Variants in TSHZ2 observed in about 807,000 individuals in gnomAD.
TSHZ2 encodes the protein teashirt homolog 2.
TSHZ2 carries 21 observed loss-of-function variants against 74.4 expected under a neutral mutation model. The observed-to-expected ratio is 0.28, with a 90% confidence interval of 0.20 to 0.41. TSHZ2 has a LOEUF of 0.41. TSHZ2 is among the 10% of genes least tolerant of loss of function. The pLI, the probability that TSHZ2 is intolerant of heterozygous loss-of-function variation, is 1.00. For synonymous variants in TSHZ2, 540 were observed against 515.3 expected (o/e 1.05, Z -0.65); for missense variants, 1,244 against 1,293.5 (o/e 0.96, Z 0.59).
chr20:53,144,011 G>A (rs949412455), intron 1 of TSHZ2, among the ~76,000 whole-genome samples: 1 of 152,132 alleles, frequency 6.6e-6, no homozygotes, highest in Non-Finnish European at 1.5e-5. Context: ...ATCATATGGA[G>A]TTGAAACTGT....
chr20:53,136,339 C>T (rs1359797246), intron 1 of TSHZ2, among the ~76,000 whole-genome samples: 1 of 152,204 alleles, frequency 6.6e-6, no homozygotes, highest in Non-Finnish European at 1.5e-5. Flanking sequence ...TTGGTGCATG[C>T]ATTTACCAAA....
Position 53,490,398 on chromosome 20 carries a change from C to A in TSHZ2, c.*3263C>A. Reference sequence around the variant, plus strand: ...CACTTCACACAACAGCCTGGCCTTCCTGTGTTTTACAACAGCTCCTAAAGA... The same window carrying A: ...CACTTCACACAACAGCCTGGCCTTCATGTGTTTTACAACAGCTCCTAAAGA... On this transcript the variant is annotated 3_prime_UTR_variant, in exon 3 of 3. Transcript: ENST00000371497. The A allele has an allele frequency of 6.6e-6, 1 of 152,324 alleles. No homozygotes were observed. 9.4% of individuals were successfully genotyped at this position (152,324 alleles called of 1,614,324 possible).
intron 1 of TSHZ2, among the ~76,000 whole-genome samples, chr20:53,134,698 A>G (rs1428121691): frequency 6.6e-6 from 1 of 152,184 alleles, no homozygotes; most frequent in Non-Finnish European, 1.5e-5. Flanking sequence ...GTTTTTACGC[A>G]CTCACATGTT....
intron 2 of TSHZ2, among the ~76,000 whole-genome samples, chr20:53,484,913 T>C (rs1285518154): frequency 6.6e-6 from 1 of 152,208 alleles, no homozygotes; most frequent in Admixed American, 6.5e-5. Flanking sequence ...CACTAGAAAT[T>C]TGGAAGCTTT....
chr20:53,356,399 C>T (rs1487338872), intron 2 of TSHZ2, among the ~76,000 whole-genome samples: 2 of 152,164 alleles, frequency 1.3e-5, no homozygotes, highest in African/African-American at 4.8e-5. Flanking sequence ...AGGCATACAA[C>T]CTATGCAGTC....
At position 53,074,469 on chromosome 20, in the gene TSHZ2, AT is replaced by A. The variant is rs1568747123; in HGVS notation, c.40+101137del. Among the ~76,000 whole-genome samples the A allele has an allele frequency of 6.6e-6, 1 of 152,210 alleles. No homozygotes were observed. The highest frequency in any genetic ancestry group is 1.9e-4 in the East Asian group (1 of 5,196). Reference sequence around the variant, plus strand: ...GATGGATGCAGTACGAAGTGTAGAAATCCAACAAATGTGTAAAAGGTAAAGG... The same window carrying A: ...GATGGATGCAGTACGAAGTGTAGAAACCAACAAATGTGTAAAAGGTAAAGG... On this transcript the variant is annotated intron_variant, in intron 1 of 2. Coordinates refer to ENST00000371497, the MANE Select transcript of TSHZ2 (RefSeq NM_173485.6). This position sits in a 1 kb window ranked among gnomAD's most constrained non-coding sequence, Gnocchi z 5.9.
At position 53,254,768 on chromosome 20, in the gene TSHZ2, A is replaced by G. The variant is rs1476109081; in HGVS notation, c.1310A>G (p.Asn437Ser). Residue 437 changes from asparagine (N) to serine (S), a missense_variant, in exon 2 of 3, where the codon AAC (asparagine) becomes AGC (serine). Coordinates refer to ENST00000371497, the MANE Select transcript of TSHZ2 (RefSeq NM_173485.6). ...EKMQSLSEAP[N>S]SDSLAPKPSS... Reference sequence around the variant, plus strand: ...ATGCAGTCGTTGTCTGAGGCCCCAAACAGTGATTCTCTGGCTCCCAAGCCA... The same window carrying G: ...ATGCAGTCGTTGTCTGAGGCCCCAAGCAGTGATTCTCTGGCTCCCAAGCCA... 6.2e-7 allele frequency: 1 copy of G among 1,613,258 alleles called. No homozygotes were observed. Among genetic ancestry groups the G allele is most frequent in the South Asian group, 1.1e-5 (1 of 90,984 alleles).
chr20:53,079,256 T>A (rs1050210089), intron 1 of TSHZ2, among the ~76,000 whole-genome samples: 1 of 152,146 alleles, frequency 6.6e-6, no homozygotes, highest in African/African-American at 2.4e-5. Flanking sequence ...TTGGCTGAGC[T>A]CCTGGGTGAA....
intron 2 of TSHZ2, among the ~76,000 whole-genome samples, chr20:53,483,016 C>G (rs572655847): frequency 6.6e-6 from 1 of 152,362 alleles, no homozygotes; most frequent in African/African-American, 2.4e-5. Context: ...TGTAGGAACA[C>G]TGACCTTACC....
chr20:53,024,728 T>G (rs951409545), intron 1 of TSHZ2, among the ~76,000 whole-genome samples: 1 of 152,278 alleles, frequency 6.6e-6, no homozygotes, highest in Non-Finnish European at 1.5e-5. Flanking sequence ...CTCCCACTTA[T>G]GAGGAACAAC....
At chr20:53,122,032 A>G (rs1162908605) in intron 1 of TSHZ2, among the ~76,000 whole-genome samples, 2 of 152,140 alleles carry the variant, frequency 1.3e-5, no homozygotes, top group African/African-American at 4.8e-5. Context: ...TATGCCTGTA[A>G]TTCCAGCACT....
At chr20:53,048,071 T>A (rs927609264) in intron 1 of TSHZ2, among the ~76,000 whole-genome samples, 3 of 152,172 alleles carry the variant, frequency 2.0e-5, no homozygotes, top group African/African-American at 7.2e-5. Context: ...TACTCTGTGC[T>A]TGAATACAGC....
intron 1 of TSHZ2, among the ~76,000 whole-genome samples, chr20:52,995,299 C>T (rs1030388408): frequency 2.0e-5 from 3 of 152,166 alleles, no homozygotes; most frequent in African/African-American, 7.2e-5. Context: ...AACCACCTAC[C>T]ATCATCGTCC....
At chr20:53,305,486 C>A (rs1040931501) in intron 2 of TSHZ2, among the ~76,000 whole-genome samples, 2 of 152,086 alleles carry the variant, frequency 1.3e-5, no homozygotes, top group Non-Finnish European at 2.9e-5. Flanking sequence ...CAAGCTATAT[C>A]CCAGACAAGT....
intron 2 of TSHZ2, among the ~76,000 whole-genome samples, chr20:53,439,812 T>C (rs1457305351): frequency 6.6e-6 from 1 of 152,204 alleles, no homozygotes; most frequent in Non-Finnish European, 1.5e-5. Flanking sequence ...AGCTTGTAAG[T>C]CTATAAAACA....
At chr20:52,989,739 G>A (rs570380928) in intron 1 of TSHZ2, among the ~76,000 whole-genome samples, 15 of 151,900 alleles carry the variant, frequency 9.9e-5, no homozygotes, top group South Asian at 2.1e-4. Context: ...TCTAGTGTGC[G>A]TATCTTCCAT....
chr20:53,360,027 CT>C (rs1159005828), intron 2 of TSHZ2, among the ~76,000 whole-genome samples: 2 of 152,150 alleles, frequency 1.3e-5, no homozygotes, highest in Non-Finnish European at 2.9e-5. Flanking sequence ...CCTACATTGA[CT>C]TTAGTACTAG....
intron 2 of TSHZ2, among the ~76,000 whole-genome samples, chr20:53,365,876 T>A (rs1346169123): frequency 4.6e-5 from 7 of 152,234 alleles, no homozygotes; most frequent in African/African-American, 1.7e-4. Flanking sequence ...GGTCCAGAGA[T>A]CCTTCTTTTT....
At chr20:53,412,346 GT>G (rs1221496052) in intron 2 of TSHZ2, among the ~76,000 whole-genome samples, 4 of 152,244 alleles carry the variant, frequency 2.6e-5, no homozygotes, top group Non-Finnish European at 5.9e-5. Flanking sequence ...AAGGCTACTG[GT>G]TCCCAGCCTG....
Sources: allele counts gnomAD v4.1 joint callset (sites outside exome capture counted in the v4.1 genomes callset), GRCh38; gene constraint gnomAD v4.1.1; non-coding constraint Gnocchi (gnomAD v3.1); transcripts MANE v1.5; gene names NCBI Gene and HGNC (gene_info 2026-07-23, HGNC 2026-07-21).